Variants in MYO16 observed in about 807,000 individuals in gnomAD.
The protein encoded by MYO16 is myosin XVI.
MYO16 carries 94 observed loss-of-function variants against 205.3 expected under a neutral mutation model. That is an observed-to-expected ratio of 0.46 (90% CI 0.39 to 0.54). MYO16 has a LOEUF of 0.54. MYO16 is among the 20% of genes least tolerant of loss of function. MYO16 has a pLI of 0.00. For synonymous variants in MYO16, 988 were observed against 954.0 expected (o/e 1.04, Z -0.66); for missense variants, 2,315 against 2,387.5 (o/e 0.97, Z 0.63).
chr13:108,763,913 G>A (rs1030426611), intron 4 of MYO16, among the ~76,000 whole-genome samples: 2 of 151,638 alleles, frequency 1.3e-5, no homozygotes, highest in Admixed American at 6.6e-5. Flanking sequence ...ATTTGACATA[G>A]TCCAAAGTAA....
intron 16 of MYO16, among the ~76,000 whole-genome samples, chr13:108,943,537 A>C (rs916629925): frequency 6.6e-5 from 10 of 152,096 alleles, no homozygotes; most frequent in African/African-American, 2.4e-4. Flanking sequence ...GGCTCACTGC[A>C]ACCTCTGCCT....
At chr13:108,939,048 G>T (rs1284619629) in intron 16 of MYO16, among the ~76,000 whole-genome samples, 3 of 152,318 alleles carry the variant, frequency 2.0e-5, no homozygotes, top group Middle Eastern at 3.4e-3. Flanking sequence ...CACAGTTCTG[G>T]CTGTGGAGGC....
chr13:109,044,800 C>T (rs1182142222), intron 23 of MYO16, among the ~76,000 whole-genome samples: 3 of 152,128 alleles, frequency 2.0e-5, no homozygotes, highest in Admixed American at 6.5e-5. Flanking sequence ...AGCAATTCTC[C>T]TGCCTCAGCC....
At position 108,957,743 on chromosome 13, in the gene MYO16, A is replaced by C; in HGVS notation, c.1981A>C (p.Arg661=). The change falls in exon 17 of 35, where the codon AGG becomes CGG. Residue 661 remains arginine, a synonymous_variant. Transcript: ENST00000457511. ...DASTGERSLN[R]EKLAVLKRAL... ...ATCCACAGGGGAGCGTTCTCTGAAC[A>C]GGGAGAAATTGGCTGTTTTGAAACG... 1 of 1,613,980 alleles carries C rather than the reference A, an allele frequency of 6.2e-7. No homozygotes were observed. Among genetic ancestry groups the C allele is most frequent in the Non-Finnish European group, 8.5e-7 (1 of 1,179,836 alleles).
intron 23 of MYO16, among the ~76,000 whole-genome samples, chr13:109,040,618 A>T (rs1886857223): frequency 6.6e-6 from 1 of 152,142 alleles, no homozygotes; most frequent in Non-Finnish European, 1.5e-5. Flanking sequence ...AAAATACATG[A>T]TTATATCACA....
At chr13:109,064,572 A>G (rs568330105) in intron 27 of MYO16, among the ~76,000 whole-genome samples, 66 of 152,344 alleles carry the variant, frequency 4.3e-4, no homozygotes, top group African/African-American at 1.5e-3. Context: ...TAGAAGTAGC[A>G]TACCTAAGCT....
intron 12 of MYO16, among the ~76,000 whole-genome samples, chr13:108,882,702 AT>A (rs1330109087): frequency 6.6e-6 from 1 of 152,226 alleles, no homozygotes; most frequent in African/African-American, 2.4e-5. Flanking sequence ...TGGTATTGAA[AT>A]TAAATACTGC....
intron 4 of MYO16, among the ~76,000 whole-genome samples, chr13:108,737,386 T>G (rs565466615): frequency 6.6e-6 from 1 of 152,326 alleles, no homozygotes; most frequent in South Asian, 2.1e-4. Flanking sequence ...TCTGCATCTA[T>G]TGAGATAATC....
chr13:108,766,544 G>T (rs1223906858), intron 4 of MYO16, among the ~76,000 whole-genome samples: 2 of 152,138 alleles, frequency 1.3e-5, no homozygotes, highest in Non-Finnish European at 2.9e-5. Context: ...AAGGGGGGTT[G>T]CTTTTGGAAT....
At chr13:109,065,454 T>A in intron 27 of MYO16, 2 of 401,370 alleles carry the variant, frequency 5.0e-6, no homozygotes, top group South Asian at 3.7e-5. Flanking sequence ...GTTTAATGTG[T>A]TGAATAATAT....
intron 4 of MYO16, among the ~76,000 whole-genome samples, chr13:108,761,424 G>A (rs1885604969): frequency 6.6e-6 from 1 of 152,060 alleles, no homozygotes; most frequent in Admixed American, 6.6e-5. Flanking sequence ...GATAAAAGCT[G>A]AGAAAACTTA....
At chr13:108,783,848 C>T (rs906605795) in intron 4 of MYO16, among the ~76,000 whole-genome samples, 2 of 152,194 alleles carry the variant, frequency 1.3e-5, no homozygotes, top group Non-Finnish European at 2.9e-5. Flanking sequence ...GAGGCCTCCC[C>T]AGGCTTGTGA....
intron 34 of MYO16, among the ~76,000 whole-genome samples, chr13:109,187,615 C>A (rs1879739486): frequency 6.6e-6 from 1 of 152,188 alleles, no homozygotes. Flanking sequence ...TCCCATGGGA[C>A]TTTCTCTTTG....
chr13:108,582,985 G>A, the MYO16 span, among the ~76,000 whole-genome samples: 1 of 152,032 alleles, frequency 6.6e-6, no homozygotes, highest in Non-Finnish European at 1.5e-5. Flanking sequence ...TTCAACTTTA[G>A]CATTGATATT....
At chr13:108,820,513 G>A (rs1594319366) in intron 8 of MYO16, 101 bp downstream of exon 8, 12 of 937,400 alleles carry the variant, frequency 1.3e-5, no homozygotes, top group South Asian at 1.2e-4. Context: ...GTGAGAGCTG[G>A]ACATGCCTGT....
intron 16 of MYO16, among the ~76,000 whole-genome samples, chr13:108,954,393 C>A (rs1423654520): frequency 6.6e-6 from 1 of 152,068 alleles, no homozygotes; most frequent in African/African-American, 2.4e-5. Context: ...TGCATAGAAA[C>A]CTGCTGCGAG....
chr13:108,797,932 G>A (rs7331737), intron 6 of MYO16, among the ~76,000 whole-genome samples: 63,843 of 152,018 alleles, frequency 0.42, 13,743 homozygotes, highest in Middle Eastern at 0.51. Context: ...ATCATTTTCA[G>A]TTTTTACTTT....
chr13:108,892,254 A>AT (rs987391614), intron 14 of MYO16, among the ~76,000 whole-genome samples: 11 of 151,656 alleles, frequency 7.3e-5, no homozygotes, highest in Admixed American at 3.9e-4. Flanking sequence ...GCTCAAAATA[A>AT]TTTTTTTTTT....
Position 109,198,162 on chromosome 13 carries a change from A to G in MYO16, c.5416-8447A>G, listed in dbSNP as rs111293853. On this transcript the variant is annotated intron_variant, in intron 34 of 34. Coordinates refer to ENST00000457511, the MANE Select transcript of MYO16 (RefSeq NM_001198950.3). The stretch of plus-strand genomic sequence containing the variant: ...TAATATTACTTCTGTCATCCTACTC[A>G]TAAATAAAATACAAAGACATAAAAA... Among the ~76,000 whole-genome samples the G allele has an allele frequency of 5.6e-3, 822 of 147,310 alleles. 9 individuals carry two copies. Among genetic ancestry groups the G allele is most frequent in the African/African-American group, 0.019 (760 of 39,456 alleles).
Sources: gnomAD v4.1 joint callset for allele counts (sites outside exome capture counted in the v4.1 genomes callset) on GRCh38, gnomAD v4.1.1 for gene constraint, MANE v1.5 for transcripts, NCBI Gene and HGNC (gene_info 2026-07-23, HGNC 2026-07-21) for gene names.